Variants in PITX3 observed in about 807,000 individuals in gnomAD.
PITX3 encodes pituitary homeobox 3.
Under a neutral mutation model 14.2 loss-of-function variants are expected in PITX3, and 4 were observed. The observed-to-expected ratio is 0.28, with a 90% CI of 0.14 to 0.65. The LOEUF (loss-of-function observed/expected upper bound fraction) is 0.65, where lower values mean the gene tolerates loss of function less well. Among genes scored for constraint, PITX3 ranks in the 30% least tolerant of loss-of-function variants. The pLI is 0.82. For synonymous variants in PITX3, 194 were observed against 204.5 expected, an observed-to-expected ratio of 0.95 and a Z score of 0.44; for missense variants, 358 against 426.8, an observed-to-expected ratio of 0.84 and a Z score of 1.42.
rs1482268612 is a variant in PITX3 at position 102,230,723 on chromosome 10, C to T, written c.700G>A (p.Ala234Thr). The T allele has an allele frequency of 6.6e-7, 1 of 1,521,124 alleles. No individual in the cohort carries two copies. The highest frequency in any genetic ancestry group is 2.6e-5 in the East Asian group (1 of 38,730). The allele number at this position is 1,521,124 out of a possible 1,614,324, so 94.2% of individuals were successfully genotyped here. Reference sequence around the variant, plus strand: ...GCCGAGGCATAAGGGCAGGACACGGCCCCGGAGGACACGGCGGCCGGAGCC... The same window carrying T: ...GCCGAGGCATAAGGGCAGGACACGGTCCCGGAGGACACGGCGGCCGGAGCC... ...GLAPAAVSSGAVSCPYASAAA... is the reference protein window; with the variant it reads ...GLAPAAVSSGTVSCPYASAAA... The change falls in exon 4 of 4, where the codon GCC becomes ACC. Residue 234 changes from alanine (A) to threonine (T), a missense_variant. Around this residue, in one of 3 missense-constraint regions of PITX3, gnomAD observed 236 missense variants for 250.2 expected, o/e 0.94. Coordinates refer to ENST00000370002, the MANE Select transcript of PITX3 (RefSeq NM_005029.4).
At chr10:102,231,475 C>T (rs2070234720) in intron 3 of PITX3, 113 bp downstream of exon 3, 2 of 674,932 alleles carry the variant, frequency 3.0e-6, no homozygotes, top group Non-Finnish European at 2.4e-6. Flanking sequence ...AGCCAGGGTC[C>T]GGGGTCCGGG....
At chr10:102,240,268 T>G (rs991090457) in intron 1 of PITX3, among the ~76,000 whole-genome samples, 1 of 152,216 alleles carries the variant, frequency 6.6e-6, no homozygotes, top group Non-Finnish European at 1.5e-5. Flanking sequence ...CCTTTCCTGG[T>G]CTTGATTCCC....
At position 102,230,562 on chromosome 10, in the gene PITX3, CG is replaced by C; in HGVS notation, c.860del (p.Pro287ArgfsTer22). On this transcript the variant is annotated frameshift_variant, in exon 4 of 4. Coordinates refer to ENST00000370002, the MANE Select transcript of PITX3 (RefSeq NM_005029.4). LOFTEE classifies it high-confidence loss of function. The part of the protein sequence containing the change: ...FSYPAVHGPP[P>X]AANLSPCQYA... Reference sequence around the variant, plus strand: ...ACTGGCACGGACTAAGGTTGGCTGCCGGGGGCGGCCCGTGCACAGCGGGGTA... The same window carrying C: ...ACTGGCACGGACTAAGGTTGGCTGCCGGGGCGGCCCGTGCACAGCGGGGTA... 6.2e-7 allele frequency: 1 copy of C among 1,610,808 alleles called. No individual in the cohort carries two copies. Among genetic ancestry groups the C allele is most frequent in the South Asian group, 1.1e-5 (1 of 90,408 alleles).
At chr10:102,231,542 C>G in intron 3 of PITX3, 46 bp downstream of exon 3, 1 of 1,320,886 alleles carries the variant, frequency 7.6e-7, no homozygotes, top group Non-Finnish European at 1.1e-6. Context: ...GCAGGCTGAG[C>G]GCGGAGGGCC....
In PITX3 at chr10:102,230,553, G is replaced by A. The variant is rs762843066; in HGVS notation, c.870C>T (p.Asn290=). 3 of 1,611,280 alleles carry A rather than the reference G, an allele frequency of 1.9e-6. No individual in the cohort carries two copies. The highest frequency in any genetic ancestry group is 2.5e-6 in the Non-Finnish European group (3 of 1,179,132). Residue 290 remains asparagine, a synonymous_variant, in exon 4 of 4, where the codon AAC becomes AAT. Coordinates refer to ENST00000370002, the MANE Select transcript of PITX3 (RefSeq NM_005029.4). ...CCACGGCGTACTGGCACGGACTAAG[G>A]TTGGCTGCCGGGGGCGGCCCGTGCA... ...PAVHGPPPAA[N]LSPCQYAVER...
At position 102,230,451 on chromosome 10, in the gene PITX3, C is replaced by G; in HGVS notation, c.*63G>C. Reference sequence around the variant, plus strand: ...CGGGAGCAAGCCAGTCAAAATGACCCCAGTCCGCGGAGGCTGTGAATCGTT... The same window carrying G: ...CGGGAGCAAGCCAGTCAAAATGACCGCAGTCCGCGGAGGCTGTGAATCGTT... On this transcript the variant is annotated 3_prime_UTR_variant, in exon 4 of 4. Coordinates refer to ENST00000370002, the MANE Select transcript of PITX3 (RefSeq NM_005029.4). The G allele has an allele frequency of 6.5e-7, 1 of 1,549,146 alleles. No individual in the cohort carries two copies. The highest frequency in any genetic ancestry group is 8.7e-7 in the Non-Finnish European group (1 of 1,144,804).
intron 1 of PITX3, among the ~76,000 whole-genome samples, chr10:102,233,355 G>T (rs1211243435): frequency 1.4e-5 from 2 of 143,130 alleles, no homozygotes; most frequent in Non-Finnish European, 3.0e-5. Context: ...CCAGGCTGGA[G>T]TGCAGTGGTA....
chr10:102,231,501 C>T, intron 3 of PITX3, 87 bp downstream of exon 3: 1 of 860,814 alleles, frequency 1.2e-6, no homozygotes, highest in Non-Finnish European at 1.8e-6. Context: ...AGGGAGGGGG[C>T]AGGTGGGGTG....
chr10:102,233,408 A>G (rs1407458292), intron 1 of PITX3, among the ~76,000 whole-genome samples: 3 of 139,388 alleles, frequency 2.2e-5, no homozygotes, highest in Non-Finnish European at 3.0e-5. Context: ...GGTTCAAGCT[A>G]TTCTCCTGCC....
At chr10:102,236,903 A>C (rs2070408929) in intron 1 of PITX3, among the ~76,000 whole-genome samples, 1 of 152,210 alleles carries the variant, frequency 6.6e-6, no homozygotes, top group Admixed American at 6.5e-5. Flanking sequence ...GAGGTCCTTA[A>C]GTGGACATGG....
intron 1 of PITX3, among the ~76,000 whole-genome samples, chr10:102,236,203 A>G (rs1161399554): frequency 6.6e-6 from 1 of 152,216 alleles, no homozygotes; most frequent in Non-Finnish European, 1.5e-5. Flanking sequence ...AGCTCCCCCA[A>G]ACTGCTGGAG....
At chr10:102,232,211 T>C in intron 1 of PITX3, 119 bp from the exon 2 acceptor site, 1 of 656,248 alleles carries the variant, frequency 1.5e-6, no homozygotes, top group South Asian at 1.7e-5. Flanking sequence ...GCCGTAAAGC[T>C]GGGGCTGCGT....
At chr10:102,234,274 C>T (rs2070328318) in intron 1 of PITX3, among the ~76,000 whole-genome samples, 1 of 152,162 alleles carries the variant, frequency 6.6e-6, no homozygotes, top group African/African-American at 2.4e-5. Flanking sequence ...ACTCCCCACC[C>T]CACCTCTCAA....
chr10:102,232,127 G>A, intron 1 of PITX3, 35 bp from the exon 2 acceptor site: 1 of 1,225,174 alleles, frequency 8.2e-7, no homozygotes, highest in Non-Finnish European at 1.2e-6. Context: ...CAGGGTAATG[G>A]GGGTAAAATC....
rs374824741 is a variant in PITX3, at chr10:102,230,985, C to T, written c.438G>A (p.Glu146=). The T allele has an allele frequency of 6.2e-7, 1 of 1,605,484 alleles. No individual in the cohort carries two copies. The highest frequency in any genetic ancestry group is 8.5e-7 in the Non-Finnish European group (1 of 1,177,336). The change falls in exon 4 of 4, where the codon GAG becomes GAA. Residue 146 remains glutamate (E), a synonymous_variant. Coordinates refer to ENST00000370002, the MANE Select transcript of PITX3 (RefSeq NM_005029.4). ...PLGGLVPPYE[E]VYPGYSYGNW... ...TGCCGTACGAGTAGCCGGGGTACACCTCCTCGTAGGGCGGCACCAGCCCCC... is the reference window on the plus strand; with the variant it reads ...TGCCGTACGAGTAGCCGGGGTACACTTCCTCGTAGGGCGGCACCAGCCCCC...
intron 1 of PITX3, among the ~76,000 whole-genome samples, chr10:102,234,478 T>A (rs1476773530): frequency 6.6e-6 from 1 of 151,956 alleles, no homozygotes; most frequent in Non-Finnish European, 1.5e-5. Flanking sequence ...CCAGGTCGGG[T>A]CAGGTCAGGG....
intron 1 of PITX3, among the ~76,000 whole-genome samples, chr10:102,235,916 G>C (rs1044611612): frequency 6.6e-6 from 1 of 152,214 alleles, no homozygotes; most frequent in African/African-American, 2.4e-5. Context: ...ACCCAAGCTG[G>C]GAGCCACTTT....
intron 1 of PITX3, among the ~76,000 whole-genome samples, chr10:102,239,744 T>C (rs572336450): frequency 2.0e-5 from 3 of 152,360 alleles, no homozygotes; most frequent in East Asian, 1.9e-4. Flanking sequence ...TGCTCACTTA[T>C]ATGGACTCGT....
At chr10:102,231,215 G>T in intron 3 of PITX3, 114 bp from the exon 4 acceptor site, 1 of 1,047,480 alleles carries the variant, frequency 9.5e-7, no homozygotes, top group Non-Finnish European at 1.3e-6. Flanking sequence ...AACGAGATGA[G>T]GTGGCTAGAG....
Sources: allele counts gnomAD v4.1 joint callset (sites outside exome capture counted in the v4.1 genomes callset), GRCh38; gene constraint gnomAD v4.1.1; regional missense constraint gnomAD v4.1.1; transcripts MANE v1.5; gene names NCBI Gene and HGNC (gene_info 2026-07-23, HGNC 2026-07-21).